CLHC1: variants seen among roughly 807,000 people sequenced by gnomAD.
The protein encoded by CLHC1 is clathrin heavy chain linker domain-containing protein 1.
Under a neutral mutation model 69.5 loss-of-function variants are expected in CLHC1, and 72 were observed. The ratio of observed to expected loss-of-function variants is 1.04; its 90% CI spans 0.86 to 1.26. The LOEUF (loss-of-function observed/expected upper bound fraction) is 1.26. Among genes scored for constraint, CLHC1 ranks in the 50% most tolerant of loss-of-function variants. The pLI, the probability that CLHC1 is intolerant of heterozygous loss-of-function variation, is 0.00. For missense variants in CLHC1, 790 were observed against 679.3 expected (o/e 1.16, Z -1.81); for synonymous variants, 223 against 224.3 (o/e 0.99, Z 0.05).
chr2:55,184,256 C>A (rs1037318607), intron 9 of CLHC1, among the ~76,000 whole-genome samples: 1 of 151,992 alleles, frequency 6.6e-6, no homozygotes, highest in African/African-American at 2.4e-5. Flanking sequence ...TAGTAATGTG[C>A]CACCACGGCC....
intron 11 of CLHC1, among the ~76,000 whole-genome samples, chr2:55,179,971 G>A (rs938682913): frequency 1.3e-5 from 2 of 152,002 alleles, no homozygotes; most frequent in East Asian, 1.9e-4. Context: ...TGGCTAACAC[G>A]GTGAAACCCT....
Position 55,177,680 on chromosome 2 carries a change from C to A in CLHC1, c.1486G>T (p.Ala496Ser). 1 of 1,613,278 alleles carries A rather than the reference C, an allele frequency of 6.2e-7. No homozygotes were observed. Among genetic ancestry groups the A allele is most frequent in the Non-Finnish European group, 8.5e-7 (1 of 1,179,440 alleles). Residue 496 changes from alanine to serine, a missense_variant, in exon 12 of 13, where the codon GCT becomes TCT. By Grantham distance (99) the Ala-to-Ser change is moderately conservative. Coordinates refer to ENST00000401408, the MANE Select transcript of CLHC1 (RefSeq NM_152385.4). The stretch of plus-strand genomic sequence containing the variant: ...TCTGCAGAGAACAGATGAAGTATAG[C>A]AAGACCAAAAGATAAAGATGGTTGT... ...EKQPSLSFGL[A>S]ILHLFSADMK...
chr2:55,184,975 A>G (rs957092184), intron 9 of CLHC1, among the ~76,000 whole-genome samples: 4 of 148,350 alleles, frequency 2.7e-5, no homozygotes, highest in African/African-American at 1.0e-4. Flanking sequence ...GATTTCCTAT[A>G]CCTACTATAG....
intron 9 of CLHC1, among the ~76,000 whole-genome samples, chr2:55,184,359 C>G (rs1412278096): frequency 6.6e-6 from 1 of 152,076 alleles, no homozygotes; most frequent in Non-Finnish European, 1.5e-5. Context: ...CCTGCCTCAG[C>G]CTCCCAAAGT....
chr2:55,222,277 A>G lies in CLHC1; in HGVS notation c.135T>C (p.Pro45=). ...TERLGCSEEG[P]ADEYYIIYRN... ...GGTATATGATGTAATATTCATCAGC[A>G]GGTCCTTCCTCACTACAGCCCAGTC... is the stretch of plus-strand genomic sequence containing the variant. The change falls in exon 3 of 13, where the codon CCT becomes CCC. Residue 45 remains proline (P), a synonymous_variant. Transcript: ENST00000401408. The G allele has an allele frequency of 6.2e-7, 1 of 1,613,608 alleles. No individual in the cohort carries two copies. Among genetic ancestry groups the G allele is most frequent in the Non-Finnish European group, 8.5e-7 (1 of 1,179,684 alleles).
chr2:55,181,596 T>G lies in CLHC1; in HGVS notation c.1155A>C (p.Leu385Phe). 1 of 1,611,356 alleles carries G rather than the reference T, an allele frequency of 6.2e-7. No individual in the cohort carries two copies. The highest frequency in any genetic ancestry group is 8.5e-7 in the Non-Finnish European group (1 of 1,179,372). Residue 385 changes from leucine to phenylalanine, a missense_variant, in exon 10 of 13, where the codon TTA (leucine) becomes TTC (phenylalanine). Leu to Phe is a conservative substitution (Grantham distance 22). Transcript: ENST00000401408. The part of the protein sequence containing the change: ...KCGLSEKRLD[L>F]VTNWVTQERL... ...TTTCCTGTGTAACCCAATTGGTAACTAAATCTAACCGTTTTTCTGATAATC... is the reference window on the plus strand; with the variant it reads ...TTTCCTGTGTAACCCAATTGGTAACGAAATCTAACCGTTTTTCTGATAATC...
intron 9 of CLHC1, among the ~76,000 whole-genome samples, chr2:55,190,520 A>G (rs1670824808): frequency 6.6e-6 from 1 of 152,220 alleles, no homozygotes; most frequent in African/African-American, 2.4e-5. Context: ...AGGGAGAGGA[A>G]AGATGGAATA....
rs764240130 is a variant in CLHC1, at chr2:55,209,460, A to C, written c.758T>G (p.Met253Arg). ...CACAAAGTCTTGAAATGGGCTGCTC[A>C]TATCAGATTTTACCCATGAACTAAG... ...QALSSWVKSD[M>R]SSPFQDFVEQ... The change falls in exon 7 of 13, where the codon ATG (methionine) becomes AGG (arginine). Residue 253 changes from methionine to arginine, a missense_variant. By Grantham distance (91) the Met-to-Arg change is moderately conservative. Coordinates refer to ENST00000401408, the MANE Select transcript of CLHC1 (RefSeq NM_152385.4). The C allele has an allele frequency of 6.2e-7, 1 of 1,612,702 alleles. No individual in the cohort carries two copies. Among genetic ancestry groups the C allele is most frequent in the Non-Finnish European group, 8.5e-7 (1 of 1,179,604 alleles).
intron 8 of CLHC1, 138 bp downstream of exon 8, chr2:55,208,488 G>T (rs892980210): frequency 6.8e-6 from 4 of 585,442 alleles, no homozygotes; most frequent in African/African-American, 5.6e-5. Flanking sequence ...TGCTTAACCT[G>T]TATAAATAAA....
At chr2:55,178,629 C>T (rs1225736609) in intron 11 of CLHC1, among the ~76,000 whole-genome samples, 1 of 151,880 alleles carries the variant, frequency 6.6e-6, no homozygotes, top group Non-Finnish European at 1.5e-5. Flanking sequence ...GCTGAGATTA[C>T]AGGCATGCCC....
chr2:55,178,285 C>G (rs1573579886), intron 11 of CLHC1, among the ~76,000 whole-genome samples: 2 of 151,934 alleles, frequency 1.3e-5, no homozygotes, highest in East Asian at 3.9e-4. Flanking sequence ...AATTTTTTTC[C>G]TAAAACTATC....
At chr2:55,184,124 G>A (rs1377732829) in intron 9 of CLHC1, among the ~76,000 whole-genome samples, 8 of 67,538 alleles carry the variant, frequency 1.2e-4, no homozygotes, top group Non-Finnish European at 2.0e-4. Context: ...TTTTTTTTTC[G>A]AGACAGGGTC....
chr2:55,210,189 A>ATTTTAT (rs1672849630), intron 5 of CLHC1, among the ~76,000 whole-genome samples: 2 of 150,866 alleles, frequency 1.3e-5, no homozygotes, highest in Non-Finnish European at 3.0e-5. Flanking sequence ...ATTTTATTTT[A>ATTTTAT]TTTTATTTTT....
intron 3 of CLHC1, 47 bp from the exon 4 acceptor site, chr2:55,218,045 G>A (rs1673754626): frequency 9.9e-7 from 1 of 1,008,240 alleles, no homozygotes; most frequent in Non-Finnish European, 1.4e-6. Flanking sequence ...TTTTCTAGGA[G>A]GCTATGGATT....
intron 5 of CLHC1, among the ~76,000 whole-genome samples, chr2:55,211,673 C>G (rs896393782): frequency 3.3e-5 from 5 of 151,912 alleles, no homozygotes; most frequent in African/African-American, 1.2e-4. Flanking sequence ...CCTATTAATC[C>G]TGCCTCAGAA....
intron 9 of CLHC1, among the ~76,000 whole-genome samples, chr2:55,201,456 A>G (rs187483104): frequency 6.6e-6 from 1 of 152,304 alleles, no homozygotes; most frequent in Non-Finnish European, 1.5e-5. Flanking sequence ...ACAACCCACC[A>G]ATATTGAACC....
chr2:55,219,281 G>C (rs1375809443), intron 3 of CLHC1, among the ~76,000 whole-genome samples: 1 of 152,140 alleles, frequency 6.6e-6, no homozygotes, highest in Non-Finnish European at 1.5e-5. Context: ...AAGTCTGTTT[G>C]TTAGAAAAAA....
chr2:55,221,120 T>C (rs1289145678), intron 3 of CLHC1, among the ~76,000 whole-genome samples: 4 of 152,206 alleles, frequency 2.6e-5, no homozygotes, highest in African/African-American at 9.7e-5. Flanking sequence ...TAGTGTGTAA[T>C]GTTTAAAAAT....
chr2:55,190,277 G>T (rs1670798054), intron 9 of CLHC1, among the ~76,000 whole-genome samples: 2 of 151,994 alleles, frequency 1.3e-5, no homozygotes, highest in Admixed American at 6.6e-5. Context: ...TCGATCTCCT[G>T]ACCTCGTGAT....
Sources: gnomAD v4.1 joint callset for allele counts (sites outside exome capture counted in the v4.1 genomes callset) on GRCh38, gnomAD v4.1.1 for gene constraint, MANE v1.5 for transcripts, NCBI Gene and HGNC (gene_info 2026-07-23, HGNC 2026-07-21) for gene names.